Variants in CALN1 observed in about 807,000 individuals in gnomAD.
CALN1 encodes calcium-binding protein 8.
Under a neutral mutation model 30.6 loss-of-function variants are expected in CALN1, and 17 were observed. The observed-to-expected ratio is 0.56, with a 90% confidence interval of 0.38 to 0.83. The LOEUF is 0.83. Among genes scored for constraint, CALN1 ranks in the 40% least tolerant of loss-of-function variants. CALN1 has a pLI of 0.00. For synonymous variants in CALN1, 156 were observed against 131.4 expected (o/e 1.19, Z -1.28); for missense variants, 291 against 354.9 (o/e 0.82, Z 1.45).
chr7:72,432,696 T>G (rs574555018), intron 1 of CALN1, among the ~76,000 whole-genome samples: 2 of 152,294 alleles, frequency 1.3e-5, no homozygotes, highest in East Asian at 3.9e-4. Context: ...CAAATCACCT[T>G]GCATCCTTTC....
At chr7:72,385,410 A>G (rs1462245236) in intron 2 of CALN1, among the ~76,000 whole-genome samples, 3 of 152,178 alleles carry the variant, frequency 2.0e-5, no homozygotes, top group Admixed American at 6.6e-5. Context: ...GTGTCCTTTA[A>G]TAAGTGAACG....
chr7:72,034,190 A>C (rs955205817), intron 4 of CALN1, among the ~76,000 whole-genome samples: 2 of 151,814 alleles, frequency 1.3e-5, no homozygotes, highest in African/African-American at 4.8e-5. Context: ...CGTCTCTACT[A>C]AAAATACAAA....
intron 2 of CALN1, among the ~76,000 whole-genome samples, chr7:72,350,424 T>C (rs969080086): frequency 9.2e-5 from 14 of 152,138 alleles, no homozygotes; most frequent in African/African-American, 3.1e-4. Context: ...ACGTGGCACA[T>C]ACACACCATG....
intron 3 of CALN1, among the ~76,000 whole-genome samples, chr7:72,151,708 T>TTTGTTG (rs1045335249): frequency 3.3e-5 from 5 of 151,668 alleles, no homozygotes; most frequent in Non-Finnish European, 7.4e-5. Flanking sequence ...AGATATCGTT[T>TTTGTTG]TTGTTGTTGT....
intron 5 of CALN1, among the ~76,000 whole-genome samples, chr7:71,884,799 G>A (rs1327288655): frequency 1.3e-5 from 2 of 152,082 alleles, no homozygotes; most frequent in African/African-American, 4.8e-5. Context: ...ATTTTGAAAT[G>A]GTCCTGCAAA....
chr7:72,464,746 G>T, the CALN1 span, among the ~76,000 whole-genome samples: 1 of 152,188 alleles, frequency 6.6e-6, no homozygotes, highest in Non-Finnish European at 1.5e-5. Flanking sequence ...ACCACAGGAG[G>T]AACTGGCACT....
intron 3 of CALN1, among the ~76,000 whole-genome samples, chr7:72,106,643 G>T (rs949910793): frequency 7.0e-6 from 1 of 142,148 alleles, no homozygotes; most frequent in East Asian, 2.1e-4. Context: ...AAGGAAGGGA[G>T]GGAGGGGGAA....
intron 4 of CALN1, among the ~76,000 whole-genome samples, chr7:72,041,827 T>C (rs962291010): frequency 6.6e-6 from 1 of 152,182 alleles, no homozygotes; most frequent in Non-Finnish European, 1.5e-5. Flanking sequence ...GATGATCCGA[T>C]AAAGGGGAGT....
At chr7:71,983,558 T>G (rs1255510855) in intron 5 of CALN1, among the ~76,000 whole-genome samples, 4 of 152,006 alleles carry the variant, frequency 2.6e-5, no homozygotes, top group Admixed American at 1.3e-4. Context: ...TGAGACGGAA[T>G]TTTGCGAGTG....
chr7:72,396,251 A>G (rs1208240785), intron 2 of CALN1, among the ~76,000 whole-genome samples: 3 of 106,454 alleles, frequency 2.8e-5, no homozygotes, highest in South Asian at 3.1e-4. Context: ...AAAAAAAAAA[A>G]AAAAAAGAAA....
chr7:72,020,111 G>A (rs1800620696), intron 5 of CALN1, among the ~76,000 whole-genome samples: 1 of 152,094 alleles, frequency 6.6e-6, no homozygotes, highest in East Asian at 1.9e-4. Context: ...CCAGGATGGA[G>A]TGCAGTGGCA....
intron 3 of CALN1, among the ~76,000 whole-genome samples, chr7:72,119,491 C>T (rs1808227092): frequency 1.3e-5 from 2 of 149,896 alleles, no homozygotes; most frequent in Admixed American, 6.7e-5. Flanking sequence ...CAAACCATAT[C>T]ACTTGCATTA....
At chr7:72,352,053 C>A (rs113374456) in intron 2 of CALN1, among the ~76,000 whole-genome samples, 3 of 152,016 alleles carry the variant, frequency 2.0e-5, no homozygotes, top group African/African-American at 4.8e-5. Context: ...CCAAGGCAGG[C>A]AGATCACTTG....
At chr7:72,336,851 G>C (rs1446623544) in intron 2 of CALN1, 1 of 985,046 alleles carries the variant, frequency 1.0e-6, no homozygotes, top group South Asian at 4.7e-5. Flanking sequence ...ACCCCCAGCA[G>C]GCAGCCGCGT....
chr7:72,122,599 G>T (rs961739628), intron 3 of CALN1, among the ~76,000 whole-genome samples: 4 of 152,110 alleles, frequency 2.6e-5, no homozygotes, highest in South Asian at 4.1e-4. Context: ...GGTGGCACAT[G>T]CCCGAAGTCC....
intron 5 of CALN1, among the ~76,000 whole-genome samples, chr7:71,985,195 C>T (rs910142824): frequency 2.0e-5 from 3 of 152,126 alleles, no homozygotes; most frequent in African/African-American, 7.2e-5. Context: ...AATGTTCAGC[C>T]TCTCTGAAGT....
chr7:72,140,107 C>T (rs1337995687), intron 3 of CALN1, among the ~76,000 whole-genome samples: 2 of 151,736 alleles, frequency 1.3e-5, no homozygotes. Flanking sequence ...CCTGTCTCTG[C>T]AATAAATTTA....
At chr7:71,958,274 T>C (rs1797069453) in intron 5 of CALN1, among the ~76,000 whole-genome samples, 1 of 152,070 alleles carries the variant, frequency 6.6e-6, no homozygotes. Context: ...GAGTCCCCAG[T>C]ATCTACTGTT....
the CALN1 span, among the ~76,000 whole-genome samples, chr7:72,477,239 T>C: frequency 1.3e-5 from 2 of 151,240 alleles, no homozygotes; most frequent in African/African-American, 2.4e-5. Flanking sequence ...GTGCATGCCC[T>C]GAGAACATGA....
Sources: gnomAD v4.1 joint callset for allele counts (sites outside exome capture counted in the v4.1 genomes callset) on GRCh38, gnomAD v4.1.1 for gene constraint, MANE v1.5 for transcripts, NCBI Gene and HGNC (gene_info 2026-07-23, HGNC 2026-07-21) for gene names.